ZNF117: variants seen among roughly 807,000 people sequenced by gnomAD.
ZNF117 encodes Krueppel-related zinc finger protein.
In ZNF117, 37 loss-of-function variants were observed where a neutral mutation model predicts 41.2. The observed-to-expected ratio is 0.90, with a 90% CI of 0.69 to 1.18. ZNF117 has a LOEUF of 1.18. Ranked by LOEUF, ZNF117 falls within the 50% of genes most tolerant of loss-of-function variation. The pLI is 0.00. For synonymous variants in ZNF117, 186 were observed against 186.6 expected (o/e 1.00, Z 0.02); for missense variants, 546 against 557.5 (o/e 0.98, Z 0.21).
upstream of ZNF117, among the ~76,000 whole-genome samples, chr7:64,985,006 G>A (rs560328265): frequency 1.3e-5 from 2 of 151,810 alleles, no homozygotes; most frequent in Admixed American, 1.3e-4. Flanking sequence ...CGGCAAGGCT[G>A]GTCTTGAACT....
exon 1 of ZNF117, chr7:64,989,953 T>A (rs566336600): frequency 6.6e-6 from 1 of 152,040 alleles, no homozygotes; most frequent in African/African-American, 2.4e-5. Context: ...GCACCTGTGA[T>A]CCCAGCTACT....
At chr7:64,979,601 C>A in intron 2 of ZNF117, 65 bp from the exon 4 acceptor site, 1 of 1,271,174 alleles carries the variant, frequency 7.9e-7, no homozygotes, top group Admixed American at 3.2e-5. Flanking sequence ...CTTTACAAAT[C>A]TAACCCATAA....
At chr7:64,987,682 T>G (rs913154631) in intron 1 of ZNF117, among the ~76,000 whole-genome samples, 1 of 151,818 alleles carries the variant, frequency 6.6e-6, no homozygotes, top group African/African-American at 2.4e-5. Flanking sequence ...CTAAAAAATC[T>G]GAAAGAAATA....
Position 64,989,446 on chromosome 7 carries a change from TATA to T in ZNF117, c.-196+498_-196+500del, listed in dbSNP as rs1562649284. The stretch of plus-strand genomic sequence containing the variant: ...GACTTAAATGTAGAACTTAAAATTA[TATA>T]TATATATATATATATATATATATAT... On this transcript the variant is annotated intron_variant, in intron 1 of 3. Coordinates refer to the ZNF117 transcript ENST00000282869. Among the ~76,000 whole-genome samples the T allele has an allele frequency of 2.2e-3, 12 of 5,340 alleles. No individual in the cohort carries two copies. In the South Asian group the frequency reaches 0.03, roughly 13 times the overall value. The allele number at this position is 5,340 out of a possible 152,430, so 3.5% of individuals were successfully genotyped here. A position where few individuals can be genotyped will look rare whatever the true frequency, so the allele number is the denominator to read the frequency against.
exon 3 of ZNF117, chr7:64,979,157 T>C: frequency 6.2e-7 from 1 of 1,605,614 alleles, no homozygotes; most frequent in East Asian, 2.2e-5. Flanking sequence ...ATGCTTCACA[T>C]TTGTAGAAAT....
At position 64,981,237 on chromosome 7, in the gene ZNF117, T is replaced by G. The variant is rs1044218062; in HGVS notation, c.34+150A>C. ...GAATTGAAAAACAATACAAAATATG[T>G]TCTATGTGAGAGAAAAATAAAAAAA... On this transcript the variant is annotated intron_variant, in intron 2 of 2. Coordinates refer to ENST00000620222, the Ensembl canonical transcript of ZNF117. 46 of 932,304 alleles carry G rather than the reference T, an allele frequency of 4.9e-5. No homozygotes were observed. In the African/African-American group the frequency reaches 6.8e-4, roughly 14 times the overall value. 57.8% of individuals were successfully genotyped at this position (932,304 alleles called of 1,614,324 possible).
chr7:64,985,208 T>A (rs1207540452), upstream of ZNF117, among the ~76,000 whole-genome samples: 1 of 152,224 alleles, frequency 6.6e-6, no homozygotes, highest in African/African-American at 2.4e-5. Context: ...ACACTACATA[T>A]AACTATGCTA....
exon 3 of ZNF117, chr7:64,976,838 C>T: frequency 2.4e-6 from 1 of 420,308 alleles, no homozygotes; most frequent in South Asian, 1.7e-5. Context: ...TATTAATTTT[C>T]TTATGTTTAG....
upstream of ZNF117, among the ~76,000 whole-genome samples, chr7:64,984,637 A>C (rs1365255464): frequency 6.6e-6 from 1 of 152,344 alleles, no homozygotes; most frequent in Middle Eastern, 3.4e-3. Context: ...TTACTGTAAT[A>C]GTTTGGTAGT....
downstream of ZNF117, chr7:64,973,395 A>G (rs916627653): frequency 6.6e-6 from 1 of 151,970 alleles, no homozygotes; most frequent in Non-Finnish European, 1.5e-5. Context: ...TATTTGCCAC[A>G]ATATATTTGC....
At position 64,988,498 on chromosome 7, in the gene ZNF117, G is replaced by A. The variant is rs75625093; in HGVS notation, c.-196+1449C>T. 4.3e-4 allele frequency among the ~76,000 whole-genome samples: 66 copies of A among 152,228 alleles called. No homozygotes were observed. In the East Asian group the frequency reaches 0.012, roughly 28 times the overall value. On this transcript the variant is annotated intron_variant, in intron 1 of 3. Transcript: ENST00000282869. ...ATGACAAACCCACAACAAACATACT[G>A]AGTGGACAAAAGCTGGAAGCATTTC...
At chr7:64,990,489 A>T (rs1205152805) in exon 1 of ZNF117, 2 of 175,486 alleles carry the variant, frequency 1.1e-5, no homozygotes, top group Non-Finnish European at 2.4e-5. Context: ...TTTTTGGCGC[A>T]AAACCTGCGA....
At chr7:64,990,411 C>T in exon 1 of ZNF117, 2 of 185,662 alleles carry the variant, frequency 1.1e-5, no homozygotes, top group Non-Finnish European at 2.3e-5. Context: ...GATTAACATC[C>T]AAAGGCTGAG....
exon 3 of ZNF117, chr7:64,976,959 C>A (rs767217083): frequency 3.7e-6 from 2 of 533,656 alleles, no homozygotes; most frequent in South Asian, 2.8e-5. Context: ...GTTAGCTTTG[C>A]CACATTCTTC....
upstream of ZNF117, among the ~76,000 whole-genome samples, chr7:64,986,922 T>C (rs547161724): frequency 6.6e-6 from 1 of 152,282 alleles, no homozygotes; most frequent in South Asian, 2.1e-4. Context: ...TATTAGGACC[T>C]AAACTCAATA....
exon 3 of ZNF117, chr7:64,975,659 T>C (rs891137107): frequency 1.1e-4 from 17 of 152,234 alleles, no homozygotes; most frequent in African/African-American, 4.1e-4. Flanking sequence ...TGTAATTTTT[T>C]CAAAGAAAAA....
At chr7:64,986,413 T>A (rs1276374461), upstream of ZNF117, among the ~76,000 whole-genome samples, 3 of 152,140 alleles carry the variant, frequency 2.0e-5, no homozygotes, top group African/African-American at 7.2e-5. Flanking sequence ...GCATTTTTTT[T>A]AACATAAGAT....
exon 3 of ZNF117, chr7:64,976,978 A>C: frequency 1.9e-6 from 1 of 534,880 alleles, no homozygotes; most frequent in South Asian, 1.4e-5. Flanking sequence ...TCACATTTGT[A>C]GGGTTTCTCT....
At chr7:64,982,540 T>C (rs1255052291), upstream of ZNF117, among the ~76,000 whole-genome samples, 3 of 152,200 alleles carry the variant, frequency 2.0e-5, no homozygotes, top group Non-Finnish European at 2.9e-5. Flanking sequence ...ATGCAGATTA[T>C]TTTTTCAGAA....
Sources: gnomAD v4.1 joint callset for allele counts (sites outside exome capture counted in the v4.1 genomes callset) on GRCh38, gnomAD v4.1.1 for gene constraint, MANE v1.5 for transcripts, NCBI Gene and HGNC (gene_info 2026-07-23, HGNC 2026-07-21) for gene names.